F12: variants seen among roughly 807,000 people sequenced by gnomAD.
F12 encodes the protein Hageman factor.
A neutral mutation model predicts 74.8 loss-of-function variants in F12; 70 were observed. That is an observed-to-expected ratio of 0.94 (90% CI 0.77 to 1.14). The LOEUF is 1.14. Ranked by LOEUF, F12 falls within the 50% of genes most tolerant of loss-of-function variation. F12 has a pLI of 0.00. For synonymous variants in F12, 373 were observed against 356.4 expected (o/e 1.05, Z -0.52); for missense variants, 811 against 835.7 (o/e 0.97, Z 0.36).
Position 177,404,297 on chromosome 5 carries a change from G to A in F12, c.917C>T (p.Pro306Leu). ...QTPTQAAPPT[P>L]VSPRLHVPLM... ...TGGGACATGAAGCCTAGGGGACACCGGGGTCGGAGGCGCCGCCTGGGTTGG... is the reference window on the plus strand; with the variant it reads ...TGGGACATGAAGCCTAGGGGACACCAGGGTCGGAGGCGCCGCCTGGGTTGG... Residue 306 changes from proline to leucine, a missense_variant, in exon 9 of 14, where the codon CCG becomes CTG. Coordinates refer to ENST00000253496, the MANE Select transcript of F12 (RefSeq NM_000505.4). 3 of 1,600,858 alleles carry A rather than the reference G, an allele frequency of 1.9e-6. No homozygotes were observed. The highest frequency in any genetic ancestry group is 1.3e-5 in the African/African-American group (1 of 74,652).
intron 2 of F12, among the ~76,000 whole-genome samples, chr5:177,407,764 G>T (rs1172666682): frequency 3.8e-4 from 57 of 148,722 alleles, no homozygotes; most frequent in Non-Finnish European, 6.9e-4. Context: ...TAGCCTAGGG[G>T]ACAGAGCGAG....
In F12 at chr5:177,405,158, C is replaced by T. The variant is rs764800976; in HGVS notation, c.425G>A (p.Arg142Gln). 28 of 1,613,856 alleles carry T rather than the reference C, an allele frequency of 1.7e-5. No homozygotes were observed. Among genetic ancestry groups the T allele is most frequent in the African/African-American group, 4.0e-5 (3 of 74,926 alleles). The change falls in exon 6 of 14, where the codon CGG becomes CAG. Residue 142 changes from arginine (R) to glutamine (Q), a missense_variant. Arg to Gln is a conservative substitution (Grantham distance 43). Transcript: ENST00000253496. ...CCATATCTCATTCTTGTGGAAAAAC[C>T]GGAGAAGCTGAGGCTCAAAGCACTT... Reference protein sequence around the residue: ...KEKCFEPQLLRFFHKNEIWYR... With the variant: ...KEKCFEPQLLQFFHKNEIWYR...
chr5:177,404,974 C>T (rs1763253438), intron 6 of F12, 60 bp from the exon 7 acceptor site: 1 of 1,588,632 alleles, frequency 6.3e-7, no homozygotes, highest in African/African-American at 1.3e-5. Flanking sequence ...GAGAGCTCTC[C>T]TTCCTGGCAC....
At chr5:177,409,398 G>C (rs1462878798) in intron 1 of F12, 73 bp downstream of exon 1, 1 of 1,538,738 alleles carries the variant, frequency 6.5e-7, no homozygotes, top group Non-Finnish European at 9.0e-7. Flanking sequence ...CATGAGCAGA[G>C]GCCATGGCTC....
At chr5:177,408,534 A>G (rs1763340017) in intron 2 of F12, among the ~76,000 whole-genome samples, 1 of 152,234 alleles carries the variant, frequency 6.6e-6, no homozygotes, top group Non-Finnish European at 1.5e-5. Flanking sequence ...TTCCCTTCTC[A>G]ACAACCCTAA....
chr5:177,405,969 G>A lies in F12; in HGVS notation c.208C>T (p.Gln70Ter). ...KCTHKGRPGP[Q>*]PWCATTPNFD... ...TCCTCTGCGTAGTCTTACCAGGGCT[G>A]AGGGCCTGGCCGGCCCTTGTGGGTA... The change falls in exon 3 of 14, where the codon CAG (glutamine) becomes TAG (stop). Residue 70 changes from glutamine (Q) to a stop codon, truncating the protein, a stop_gained. Transcript: ENST00000253496. LOFTEE classifies it high-confidence loss of function. The A allele has an allele frequency of 6.2e-7, 1 of 1,613,786 alleles. No homozygotes were observed.
chr5:177,402,511 C>G, intron 13 of F12, 39 bp downstream of exon 13: 1 of 1,601,236 alleles, frequency 6.2e-7, no homozygotes, highest in Non-Finnish European at 8.5e-7. Flanking sequence ...TTGTGCCTGA[C>G]GGCCTCGGGG....
intron 12 of F12, 69 bp downstream of exon 12, chr5:177,403,185 G>C: frequency 6.3e-7 from 1 of 1,587,752 alleles, no homozygotes; most frequent in Non-Finnish European, 8.5e-7. Flanking sequence ...CAAAGTCGCG[G>C]GCTTCTTCCG....
Position 177,405,674 on chromosome 5 carries a change from C to A in F12, c.286+61G>T, listed in dbSNP as rs962206840. 2.6e-6 allele frequency: 4 copies of A among 1,524,334 alleles called. No individual in the cohort carries two copies. In the Admixed American group the frequency reaches 6.7e-5, roughly 25 times the overall value. 94.4% of individuals were successfully genotyped at this position (1,524,334 alleles called of 1,614,324 possible). On this transcript the variant is annotated intron_variant, in intron 4 of 13. Coordinates refer to ENST00000253496, the MANE Select transcript of F12 (RefSeq NM_000505.4). ...CCAGGTGTGTGGGGTCTGGTGATACCAGGAGAGTAATGAGGCGGGAGGAGA... is the reference window on the plus strand; with the variant it reads ...CCAGGTGTGTGGGGTCTGGTGATACAAGGAGAGTAATGAGGCGGGAGGAGA...
Position 177,402,612 on chromosome 5 carries a change from ATCCG to A in F12, c.1614_1617del (p.Gly539ProfsTer124). 6.2e-7 allele frequency: 1 copy of A among 1,613,168 alleles called. No individual in the cohort carries two copies. Among genetic ancestry groups the A allele is most frequent in the South Asian group, 1.1e-5 (1 of 91,080 alleles). ...CAGAGCATGCCGGGGAGGATGGAGG[ATCCG>A]TGCACGTCCGGGGCTGAGCAGCGCT... On this transcript the variant is annotated frameshift_variant, in exon 13 of 14. Coordinates refer to ENST00000253496, the MANE Select transcript of F12 (RefSeq NM_000505.4). LOFTEE classifies it high-confidence loss of function.
In F12 at chr5:177,403,578, T is replaced by G. The variant is rs768358628; in HGVS notation, c.1290A>C (p.Glu430Asp). The G allele has an allele frequency of 2.5e-6, 4 of 1,605,442 alleles. No individual in the cohort carries two copies. The South Asian group carries it at 4.4e-5, about 18-fold the overall frequency. ...ACGGCTCACAGCTGTGGTTACGGCG[T>G]TCCTGGCCGAGCACCACCGTCAGAT... The part of the protein sequence containing the change: ...PEDLTVVLGQ[E>D]RRNHSCEPCQ... Residue 430 changes from glutamate (E) to aspartate (D), a missense_variant, in exon 11 of 14, where the codon GAA becomes GAC. Coordinates refer to ENST00000253496, the MANE Select transcript of F12 (RefSeq NM_000505.4).
intron 4 of F12, 94 bp downstream of exon 4, chr5:177,405,640 TC>T: frequency 7.4e-7 from 1 of 1,348,234 alleles, no homozygotes; most frequent in Non-Finnish European, 1.1e-6. Context: ...AGGGGCTGGG[TC>T]CAGAATCCCA....
At position 177,409,467 on chromosome 5, in the gene F12, T is replaced by C. The variant is rs371915487; in HGVS notation, c.57+4A>G. On this transcript the variant is annotated splice_donor_region_variant and intron_variant, in intron 1 of 13. Transcript: ENST00000253496. ...GGGACAATCCTGGTTCCCACAGCAC[T>C]CACCGAAAGTGTTGACTCCAAGCTC... 185 of 1,613,500 alleles carry C rather than the reference T, an allele frequency of 1.1e-4. No individual in the cohort carries two copies. Among genetic ancestry groups the C allele is most frequent in the Admixed American group, 6.5e-4 (39 of 59,944 alleles).
At position 177,406,049 on chromosome 5, in the gene F12, G is replaced by A. The variant is rs758012424; in HGVS notation, c.128C>T (p.Thr43Ile). Reference protein sequence around the residue: ...AEEHTVVLTVTGEPCHFPFQY... With the variant: ...AEEHTVVLTVIGEPCHFPFQY... Reference sequence around the variant, plus strand: ...GAAGGGGAAGTGGCAGGGCTCCCCGGTGACAGTGAGAACTGCAGGGACAAC... The same window carrying A: ...GAAGGGGAAGTGGCAGGGCTCCCCGATGACAGTGAGAACTGCAGGGACAAC... The change falls in exon 3 of 14, where the codon ACC (threonine) becomes ATC (isoleucine). Residue 43 changes from threonine to isoleucine, a missense_variant. Coordinates refer to ENST00000253496, the MANE Select transcript of F12 (RefSeq NM_000505.4). 1 of 1,614,078 alleles carries A rather than the reference G, an allele frequency of 6.2e-7. No individual in the cohort carries two copies. Among genetic ancestry groups the A allele is most frequent in the South Asian group, 1.1e-5 (1 of 91,090 alleles).
chr5:177,405,272 G>A (rs764741084), intron 5 of F12, 51 bp downstream of exon 5: 2 of 1,613,428 alleles, frequency 1.2e-6, no homozygotes, highest in South Asian at 1.1e-5. Context: ...TGTAGGCCCA[G>A]GGTTGCCCCT....
rs745617919 is a variant in F12, at chr5:177,409,498, C to T, written c.30G>A (p.Leu10=). 50 of 1,614,022 alleles carry T rather than the reference C, an allele frequency of 3.1e-5. 1 individual carries two copies. In the South Asian group the frequency reaches 5.3e-4, roughly 17 times the overall value. MRALLLLGF[L]LVSLESTLSI... ...AAAGTGTTGACTCCAAGCTCACCAG[C>T]AGGAACCCCAGGAGCAGCAGAGCCC... The change falls in exon 1 of 14, where the codon CTG becomes CTA. Residue 10 remains leucine (L), a synonymous_variant. Coordinates refer to ENST00000253496, the MANE Select transcript of F12 (RefSeq NM_000505.4).
Position 177,404,914 on chromosome 5 carries a change from G to A in F12, c.530C>T (p.Ala177Val), listed in dbSNP as rs144821595. The A allele has an allele frequency of 4.1e-5, 66 of 1,601,208 alleles. No homozygotes were observed. Among genetic ancestry groups the A allele is most frequent in the Non-Finnish European group, 5.1e-5 (60 of 1,176,616 alleles). The change falls in exon 7 of 14, where the codon GCC becomes GTC. Residue 177 changes from alanine to valine, a missense_variant and splice_region_variant. By Grantham distance (64) the Ala-to-Val change is moderately conservative (BLOSUM62 0). Coordinates refer to ENST00000253496, the MANE Select transcript of F12 (RefSeq NM_000505.4). ...DAHCQRLASQ[A>V]CRTNPCLHGG... is the part of the protein sequence containing the mutation. ...ATGGAGGCACGGGTTGGTGCGGCAGGCTTGGGGAGGGAACGCAGTGAGCCA... is the reference window on the plus strand; with the variant it reads ...ATGGAGGCACGGGTTGGTGCGGCAGACTTGGGGAGGGAACGCAGTGAGCCA...
In F12 at chr5:177,405,438, GAGA is replaced by G; in HGVS notation, c.287-8_287-6del. The G allele has an allele frequency of 6.2e-7, 1 of 1,612,090 alleles. No homozygotes were observed. The highest frequency in any genetic ancestry group is 1.1e-5 in the South Asian group (1 of 90,728). ...GGCTGTGTTTGCTGCAGTGGTCTGA[GAGA>G]TGGACATGGTGGAAGGAAGAGCAGG... On this transcript the variant is annotated splice_region_variant and splice_polypyrimidine_tract_variant and intron_variant, in intron 4 of 13. Coordinates refer to ENST00000253496, the MANE Select transcript of F12 (RefSeq NM_000505.4).
intron 10 of F12, 26 bp downstream of exon 10, chr5:177,403,833 G>A: frequency 6.7e-7 from 1 of 1,492,508 alleles, no homozygotes; most frequent in South Asian, 1.3e-5. Context: ...GGCCCCTGGG[G>A]CGGCTCTGGG....
Sources: gnomAD v4.1 joint callset for allele counts (sites outside exome capture counted in the v4.1 genomes callset) on GRCh38, gnomAD v4.1.1 for gene constraint, MANE v1.5 for transcripts, NCBI Gene and HGNC (gene_info 2026-07-23, HGNC 2026-07-21) for gene names.